CYP24A1: variants seen among roughly 807,000 people sequenced by gnomAD.
The protein encoded by CYP24A1 is cytochrome P450 family 24 subfamily A member 1, also known as 1,25-dihydroxyvitamin D(3) 24-hydroxylase, mitochondrial.
CYP24A1 carries 68 observed loss-of-function variants against 62.4 expected under a neutral mutation model. The observed-to-expected ratio is 1.09, with a 90% CI of 0.90 to 1.33. The LOEUF is 1.33. Ranked by LOEUF, CYP24A1 falls within the 40% of genes most tolerant of loss-of-function variation. CYP24A1 has a pLI of 0.00. For missense variants in CYP24A1, 787 were observed against 653.0 expected (o/e 1.21, Z -2.24); for synonymous variants, 267 against 253.0 (o/e 1.06, Z -0.52).
chr20:54,158,942 G>A lies in CYP24A1; in HGVS notation c.1157+15C>T, dbSNP rs199702142. On this transcript the variant is annotated intron_variant, in intron 8 of 11. Transcript: ENST00000216862. ...GTTCTAACACATTTATATTGGCTCA[G>A]AGATAGGCTCTTACCTCATAGATTC... 5.1e-5 allele frequency: 83 copies of A among 1,614,058 alleles called. No individual in the cohort carries two copies. The highest frequency in any genetic ancestry group is 5.0e-4 in the Admixed American group (30 of 60,010).
At chr20:54,151,078 G>C (rs2092611728), downstream of CYP24A1, among the ~76,000 whole-genome samples, 1 of 147,992 alleles carries the variant, frequency 6.8e-6, no homozygotes, top group African/African-American at 2.6e-5. Context: ...ATAAAGAATA[G>C]CTACTCCACA....
intron 6 of CYP24A1, among the ~76,000 whole-genome samples, chr20:54,163,933 T>A (rs1024817915): frequency 6.6e-6 from 1 of 152,120 alleles, no homozygotes; most frequent in Non-Finnish European, 1.5e-5. Context: ...CCTGACTCTA[T>A]AAATTTTACT....
At chr20:54,154,939 T>TAAAAAAAAAAAAAAAAAAAAAA (rs61165834) in intron 11 of CYP24A1, 178 bp from the exon 12 acceptor site, 1 of 49,856 alleles carries the variant, frequency 2.0e-5, no homozygotes, top group Non-Finnish European at 3.5e-5. Context: ...TTGGTCTTGG[T>TAAAAAAAAAAAAAAAAAAAAAA]AAAAAAAAAA....
chr20:54,144,328 T>C, the CYP24A1 span, among the ~76,000 whole-genome samples: 1 of 152,006 alleles, frequency 6.6e-6, no homozygotes, highest in East Asian at 1.9e-4. Context: ...CAGCTCACTG[T>C]AGCCTCAAAC....
At chr20:54,165,966 A>T in intron 4 of CYP24A1, 133 bp from the exon 5 acceptor site, 1 of 713,834 alleles carries the variant, frequency 1.4e-6, no homozygotes. Flanking sequence ...GCAACAGTCC[A>T]AGAATATTGA....
At chr20:54,145,639 CAAAAAA>C in the CYP24A1 span, among the ~76,000 whole-genome samples, 1 of 93,850 alleles carries the variant, frequency 1.1e-5, no homozygotes. Context: ...GACTCTGTCT[CAAAAAA>C]AAAAAAAAAA....
At chr20:54,163,315 A>G (rs1476715869) in intron 6 of CYP24A1, among the ~76,000 whole-genome samples, 3 of 152,202 alleles carry the variant, frequency 2.0e-5, no homozygotes, top group Admixed American at 6.5e-5. Flanking sequence ...AAGCACACAT[A>G]CCCCACATAC....
intron 11 of CYP24A1, among the ~76,000 whole-genome samples, chr20:54,156,773 A>T (rs1263164941): frequency 6.6e-6 from 1 of 152,232 alleles, no homozygotes; most frequent in Non-Finnish European, 1.5e-5. Flanking sequence ...TTCATGTTCC[A>T]AGGTAGTATT....
intron 7 of CYP24A1, among the ~76,000 whole-genome samples, chr20:54,159,550 A>G (rs2092642767): frequency 6.6e-6 from 1 of 152,038 alleles, no homozygotes; most frequent in Non-Finnish European, 1.5e-5. Flanking sequence ...ATCCACCACC[A>G]TGCCTGGCTA....
rs536086370 is a variant in CYP24A1, at chr20:54,157,515, C to A, written c.1307G>T (p.Arg436Ile). 3 of 1,600,124 alleles carry A rather than the reference C, an allele frequency of 1.9e-6. No homozygotes were observed. The East Asian group carries it at 6.7e-5, about 36-fold the overall frequency. ...EDNFEDSSQFRPERWLQEKEK... is the reference protein window; with the variant it reads ...EDNFEDSSQFIPERWLQEKEK... Reference sequence around the variant, plus strand: ...CTTCTCCTGAAGCCAACGTTCAGGTCTAAACTGACTTGAATCTTCAAAATT... The same window carrying A: ...CTTCTCCTGAAGCCAACGTTCAGGTATAAACTGACTTGAATCTTCAAAATT... Residue 436 changes from arginine to isoleucine, a missense_variant, in exon 10 of 12, where the codon AGA becomes ATA. By Grantham distance (97) the Arg-to-Ile change is moderately conservative. Transcript: ENST00000216862.
intron 7 of CYP24A1, among the ~76,000 whole-genome samples, chr20:54,160,301 G>GAAAC (rs969843440): frequency 3.3e-5 from 5 of 152,198 alleles, no homozygotes; most frequent in African/African-American, 1.2e-4. Context: ...AATATTGGTG[G>GAAAC]AAACAGCCAA....
chr20:54,151,934 G>A (rs1273597241), downstream of CYP24A1, among the ~76,000 whole-genome samples: 1 of 152,170 alleles, frequency 6.6e-6, no homozygotes, highest in East Asian at 1.9e-4. Flanking sequence ...ACAAGGATTT[G>A]TGAATTCATA....
At position 54,160,179 on chromosome 20, in the gene CYP24A1, A is replaced by G. The variant is rs544662252; in HGVS notation, c.991-1056T>C. Reference sequence around the variant, plus strand: ...TCATACGAGGGTGCCAACACCAAAAATAAGAAATTCAAACATTGAGCTGAG... The same window carrying G: ...TCATACGAGGGTGCCAACACCAAAAGTAAGAAATTCAAACATTGAGCTGAG... On this transcript the variant is annotated intron_variant, in intron 7 of 11. Coordinates refer to ENST00000216862, the MANE Select transcript of CYP24A1 (RefSeq NM_000782.5). 1.9e-3 allele frequency among the ~76,000 whole-genome samples: 285 copies of G among 152,346 alleles called. 2 individuals are homozygous for G. The highest frequency in any genetic ancestry group is 6.7e-3 in the African/African-American group (280 of 41,582).
intron 4 of CYP24A1, among the ~76,000 whole-genome samples, chr20:54,169,279 T>A (rs1373457481): frequency 6.6e-6 from 1 of 152,220 alleles, no homozygotes; most frequent in Non-Finnish European, 1.5e-5. Context: ...GTTTACTTGT[T>A]GACTGTCACC....
At position 54,173,522 on chromosome 20, in the gene CYP24A1, T is replaced by G; in HGVS notation, c.58A>C (p.Ser20Arg). ...ACCAGTCTCGGGGGCTGCCTCGGAC[T>G]GCGCAGCTGCTGCAGGAAGGCGGCA... ...SLAAFLQQLR[S>R]PRQPPRLVTS... The change falls in exon 1 of 12, where the codon AGT becomes CGT. Residue 20 changes from serine (S) to arginine (R), a missense_variant. Physicochemically the swap from Ser to Arg is moderately radical, Grantham distance 110. Coordinates refer to ENST00000216862, the MANE Select transcript of CYP24A1 (RefSeq NM_000782.5). The surrounding 1 kb of genome is among the most constrained non-coding windows in gnomAD (Gnocchi z 7.2). 1 of 1,572,902 alleles carries G rather than the reference T, an allele frequency of 6.4e-7. No homozygotes were observed. The highest frequency in any genetic ancestry group is 8.6e-7 in the Non-Finnish European group (1 of 1,160,468).
In CYP24A1 at chr20:54,157,388, C is replaced by G. The variant is rs986415153; in HGVS notation, c.1434G>C (p.Trp478Cys). 2 of 1,580,348 alleles carry G rather than the reference C, an allele frequency of 1.3e-6. No homozygotes were observed. The highest frequency in any genetic ancestry group is 2.2e-5 in the South Asian group (2 of 90,414). ...AELQLHLALC[W>C]IVRKYDIQAT... ...TTGCAGAAACCGGTAAAGGTTTTAC[C>G]CAACAAAGAGCCAAATGCAGTTGAA... Residue 478 changes from tryptophan to cysteine, a missense_variant and splice_region_variant, in exon 10 of 12, where the codon TGG becomes TGC. Transcript: ENST00000216862.
chr20:54,148,691 G>A (rs139807379), downstream of CYP24A1, among the ~76,000 whole-genome samples: 126 of 152,248 alleles, frequency 8.3e-4, no homozygotes, highest in Middle Eastern at 3.4e-3. Context: ...CCTATTTAAA[G>A]AGGCTCCCAT....
Position 54,153,558 on chromosome 20 carries a change from G to A in CYP24A1, c.*1214C>T, listed in dbSNP as rs1421037461. 2 of 152,298 alleles carry A rather than the reference G, an allele frequency of 1.3e-5. No individual in the cohort carries two copies. The highest frequency in any genetic ancestry group is 2.4e-5 in the African/African-American group (1 of 41,374). The allele number at this position is 152,298 out of a possible 1,614,324, so 9.4% of individuals were successfully genotyped here. On this transcript the variant is annotated 3_prime_UTR_variant, in exon 12 of 12. Transcript: ENST00000216862. ...AAAATAATTTCACAGCAGAGAGAAAGCATATACCTAGATATGTACATATTT... is the reference window on the plus strand; with the variant it reads ...AAAATAATTTCACAGCAGAGAGAAAACATATACCTAGATATGTACATATTT...
chr20:54,161,984 G>T (rs1194380819), intron 7 of CYP24A1, among the ~76,000 whole-genome samples: 1 of 152,174 alleles, frequency 6.6e-6, no homozygotes, highest in Admixed American at 6.5e-5. Flanking sequence ...ATCACAGCTC[G>T]AACTAGTATC....
Sources: allele counts gnomAD v4.1 joint callset (sites outside exome capture counted in the v4.1 genomes callset), GRCh38; gene constraint gnomAD v4.1.1; non-coding constraint Gnocchi (gnomAD v3.1); transcripts MANE v1.5; gene names NCBI Gene and HGNC (gene_info 2026-07-23, HGNC 2026-07-21).